CNTNAP2: variants seen among roughly 807,000 people sequenced by gnomAD.
The protein encoded by CNTNAP2 is contactin associated protein 2, also known as contactin-associated protein-like 2.
A neutral mutation model predicts 155.2 loss-of-function variants in CNTNAP2; 98 were observed. The observed-to-expected ratio is 0.63, with a 90% CI of 0.54 to 0.75. The LOEUF is 0.75. Ranked by LOEUF, CNTNAP2 falls within the 30% of genes least tolerant of loss-of-function variation. The pLI, the probability that CNTNAP2 is intolerant of heterozygous loss-of-function variation, is 0.00. For synonymous variants in CNTNAP2, 651 were observed against 631.2 expected (o/e 1.03, Z -0.47); for missense variants, 1,727 against 1,688.1 (o/e 1.02, Z -0.40).
chr7:147,057,736 G>A (rs948281004), intron 4 of CNTNAP2, among the ~76,000 whole-genome samples: 2 of 152,118 alleles, frequency 1.3e-5, no homozygotes, highest in African/African-American at 4.8e-5. Context: ...CTAGAAATCA[G>A]TTCATTGTGT....
intron 3 of CNTNAP2, among the ~76,000 whole-genome samples, chr7:146,958,414 T>TC (rs1554415989): frequency 1.2e-4 from 16 of 130,344 alleles, no homozygotes; most frequent in African/African-American, 5.3e-4. Flanking sequence ...ATGGTTTTTT[T>TC]TTTTTTTTTT....
intron 14 of CNTNAP2, among the ~76,000 whole-genome samples, chr7:147,905,219 A>G (rs1210605046): frequency 6.6e-6 from 1 of 152,136 alleles, no homozygotes; most frequent in Admixed American, 6.5e-5. Context: ...CCATTTGTCT[A>G]TCCAACATTA....
chr7:146,911,356 C>T (rs1349323965), intron 3 of CNTNAP2, among the ~76,000 whole-genome samples: 4 of 151,990 alleles, frequency 2.6e-5, no homozygotes, highest in Admixed American at 6.6e-5. Context: ...CACATGCACA[C>T]GTATGTTTAT....
intron 9 of CNTNAP2, chr7:147,377,877 G>A (rs1796464566): frequency 5.3e-6 from 2 of 375,270 alleles, no homozygotes; most frequent in Non-Finnish European, 1.0e-5. Flanking sequence ...AGCATGCTGT[G>A]TTTAGTGCTA....
intron 1 of CNTNAP2, among the ~76,000 whole-genome samples, chr7:146,203,913 T>C (rs1290932033): frequency 1.3e-5 from 2 of 152,170 alleles, no homozygotes; most frequent in Non-Finnish European, 2.9e-5. Context: ...CCAACCCTGC[T>C]TATGAAAGCA....
chr7:147,506,455 A>C (rs1007475874), intron 11 of CNTNAP2, among the ~76,000 whole-genome samples: 24 of 152,056 alleles, frequency 1.6e-4, no homozygotes, highest in South Asian at 2.1e-4. Flanking sequence ...AGGTTTCTCC[A>C]TGTTGGTCAG....
intron 13 of CNTNAP2, among the ~76,000 whole-genome samples, chr7:147,668,778 T>G (rs1044985203): frequency 6.6e-6 from 1 of 151,172 alleles, no homozygotes; most frequent in Non-Finnish European, 1.5e-5. Context: ...CTAAGGTTAA[T>G]TATCAAAGAG....
chr7:146,882,829 A>G (rs780185592), intron 3 of CNTNAP2, among the ~76,000 whole-genome samples: 3 of 152,178 alleles, frequency 2.0e-5, no homozygotes, highest in Non-Finnish European at 2.9e-5. Context: ...CAATAGCTAC[A>G]AAAAGAAGAA....
At chr7:146,593,004 C>T (rs999923594) in intron 1 of CNTNAP2, among the ~76,000 whole-genome samples, 2 of 151,902 alleles carry the variant, frequency 1.3e-5, no homozygotes, top group African/African-American at 4.8e-5. Context: ...GGGTCGTTCT[C>T]GGGGTATGCT....
At chr7:147,994,146 G>C (rs1801762716) in intron 15 of CNTNAP2, among the ~76,000 whole-genome samples, 2 of 152,088 alleles carry the variant, frequency 1.3e-5, no homozygotes, top group South Asian at 4.1e-4. Context: ...GAGGTGGGAG[G>C]ATTGCTTGAG....
chr7:146,402,168 G>C (rs1195473610), intron 1 of CNTNAP2, among the ~76,000 whole-genome samples: 1 of 152,088 alleles, frequency 6.6e-6, no homozygotes, highest in Non-Finnish European at 1.5e-5. Flanking sequence ...TAATAGATGA[G>C]TGTGCGTTCA....
chr7:147,293,151 T>C (rs796671738), intron 8 of CNTNAP2, among the ~76,000 whole-genome samples: 3 of 152,336 alleles, frequency 2.0e-5, no homozygotes, highest in African/African-American at 7.2e-5. Flanking sequence ...TTAAAGTTTC[T>C]ATTCAAGTGA....
chr7:147,998,214 T>C (rs1377860384), intron 15 of CNTNAP2, among the ~76,000 whole-genome samples: 3 of 145,536 alleles, frequency 2.1e-5, no homozygotes, highest in Non-Finnish European at 4.5e-5. Context: ...CGGGTTCAAG[T>C]GATTCTCCTG....
chr7:147,821,505 A>C (rs1798359984), intron 13 of CNTNAP2, among the ~76,000 whole-genome samples: 1 of 152,220 alleles, frequency 6.6e-6, no homozygotes, highest in African/African-American at 2.4e-5. Context: ...AGATATTTTC[A>C]GAATGTGATA....
chr7:147,492,230 A>G (rs1798621587), intron 11 of CNTNAP2, among the ~76,000 whole-genome samples: 1 of 152,168 alleles, frequency 6.6e-6, no homozygotes, highest in Admixed American at 6.5e-5. Flanking sequence ...GATCCCTCAC[A>G]TGCACAGTTC....
chr7:148,343,723 G>A (rs1278875514), intron 21 of CNTNAP2, among the ~76,000 whole-genome samples: 1 of 152,162 alleles, frequency 6.6e-6, no homozygotes, highest in African/African-American at 2.4e-5. Flanking sequence ...AGCGTAGACT[G>A]GCAAAAGGAT....
chr7:148,184,624 G>C (rs961079770), intron 18 of CNTNAP2, among the ~76,000 whole-genome samples: 3 of 152,164 alleles, frequency 2.0e-5, no homozygotes, highest in Non-Finnish European at 4.4e-5. Context: ...TTCCATCCTG[G>C]ATTTATGACC....
At chr7:147,710,432 AT>A (rs1218537637) in intron 13 of CNTNAP2, among the ~76,000 whole-genome samples, 2 of 152,218 alleles carry the variant, frequency 1.3e-5, no homozygotes, top group East Asian at 3.9e-4. Flanking sequence ...CATATATGCT[AT>A]TTATCTTTTC....
At chr7:146,794,167 T>C (rs894540888) in intron 2 of CNTNAP2, among the ~76,000 whole-genome samples, 2 of 152,214 alleles carry the variant, frequency 1.3e-5, no homozygotes, top group East Asian at 3.9e-4. Context: ...GTCTGTTTCA[T>C]GGGCTTAGCC....
Sources: gnomAD v4.1 joint callset for allele counts (sites outside exome capture counted in the v4.1 genomes callset) on GRCh38, gnomAD v4.1.1 for gene constraint, MANE v1.5 for transcripts, NCBI Gene and HGNC (gene_info 2026-07-23, HGNC 2026-07-21) for gene names.